The following DCC variants were observed in gnomAD, a reference collection of about 807,000 sequenced individuals.
DCC encodes the protein DCC netrin 1 receptor, also known as netrin receptor DCC.
A neutral mutation model predicts 172.5 loss-of-function variants in DCC; 58 were observed. The observed-to-expected ratio is 0.34, with a 90% CI of 0.27 to 0.42. The LOEUF (loss-of-function observed/expected upper bound fraction) is 0.42. DCC is among the 10% of genes least tolerant of loss of function. The pLI is 1.00. For synonymous variants in DCC, 709 were observed against 644.5 expected (o/e 1.10, Z -1.52); for missense variants, 1,740 against 1,791.0 (o/e 0.97, Z 0.51).
At chr18:53,455,538 A>C (rs980708456) in intron 23 of DCC, among the ~76,000 whole-genome samples, 4 of 152,242 alleles carry the variant, frequency 2.6e-5, no homozygotes, top group Non-Finnish European at 5.9e-5. Context: ...ACCAGAGAAG[A>C]AGCTTTCAGA....
intron 2 of DCC, among the ~76,000 whole-genome samples, chr18:52,768,216 A>C (rs1448952549): frequency 6.6e-6 from 1 of 152,144 alleles, no homozygotes; most frequent in Non-Finnish European, 1.5e-5. Context: ...CTCTGGCTTG[A>C]CATTTAGAGT....
intron 11 of DCC, among the ~76,000 whole-genome samples, chr18:53,215,295 G>A (rs769163678): frequency 6.6e-5 from 10 of 151,880 alleles, no homozygotes; most frequent in South Asian, 2.1e-4. Context: ...CACTGCCCGC[G>A]TTCTCTTGCG....
At chr18:53,443,787 A>G (rs1362304003) in intron 22 of DCC, among the ~76,000 whole-genome samples, 1 of 152,270 alleles carries the variant, frequency 6.6e-6, no homozygotes, top group East Asian at 1.9e-4. Context: ...AGATTCCAAT[A>G]AGGAGTAGAT....
At chr18:53,229,983 G>A (rs998397903) in intron 12 of DCC, among the ~76,000 whole-genome samples, 2 of 151,990 alleles carry the variant, frequency 1.3e-5, no homozygotes, top group Non-Finnish European at 2.9e-5. Context: ...ATTCTACCTG[G>A]CTATCTTGTT....
At chr18:53,195,291 G>C (rs1474634393) in intron 9 of DCC, among the ~76,000 whole-genome samples, 1 of 152,156 alleles carries the variant, frequency 6.6e-6, no homozygotes, top group African/African-American at 2.4e-5. Context: ...TTGAAAATTA[G>C]AGTTCTGTGA....
At chr18:52,826,112 A>C in intron 2 of DCC, among the ~76,000 whole-genome samples, 1 of 152,242 alleles carries the variant, frequency 6.6e-6, no homozygotes, top group East Asian at 1.9e-4. Flanking sequence ...ACATTTACTG[A>C]AGATGCTATT....
At chr18:52,993,805 G>T (rs2041433865) in intron 5 of DCC, among the ~76,000 whole-genome samples, 1 of 147,644 alleles carries the variant, frequency 6.8e-6, no homozygotes, top group African/African-American at 2.6e-5. Flanking sequence ...TAAGTTCTGA[G>T]AATTTTCTAT....
intron 10 of DCC, among the ~76,000 whole-genome samples, chr18:53,207,055 A>G (rs1247385777): frequency 2.6e-5 from 4 of 151,908 alleles, no homozygotes; most frequent in Admixed American, 2.0e-4. Flanking sequence ...CTTTCTATAT[A>G]TTTTAGCTCT....
chr18:52,437,779 A>G (rs1987843765), intron 1 of DCC, among the ~76,000 whole-genome samples: 1 of 152,218 alleles, frequency 6.6e-6, no homozygotes, highest in Admixed American at 6.5e-5. Flanking sequence ...TCTTGGCTAT[A>G]TGGAACAGGA....
intron 22 of DCC, among the ~76,000 whole-genome samples, chr18:53,448,768 G>A (rs755600172): frequency 6.6e-6 from 1 of 152,062 alleles, no homozygotes; most frequent in Admixed American, 6.6e-5. Context: ...CAAGAGAATC[G>A]CTTGAACCCA....
chr18:53,037,281 C>T (rs777743342), intron 5 of DCC, among the ~76,000 whole-genome samples: 4 of 151,988 alleles, frequency 2.6e-5, no homozygotes, highest in Non-Finnish European at 4.4e-5. Context: ...GATAAATGAA[C>T]TGGCAATGTG....
chr18:53,202,866 A>G (rs1336906486), intron 9 of DCC, among the ~76,000 whole-genome samples: 1 of 152,182 alleles, frequency 6.6e-6, no homozygotes, highest in Non-Finnish European at 1.5e-5. Context: ...TTTTATTTAT[A>G]AAAAGGGGCT....
At chr18:53,042,489 G>C (rs2042182317) in intron 5 of DCC, among the ~76,000 whole-genome samples, 1 of 151,878 alleles carries the variant, frequency 6.6e-6, no homozygotes, top group African/African-American at 2.4e-5. Context: ...ATCTCTGCCA[G>C]GTTTTGGTAT....
chr18:52,788,545 T>G (rs1301569456), intron 2 of DCC, among the ~76,000 whole-genome samples: 1 of 152,238 alleles, frequency 6.6e-6, no homozygotes, highest in Non-Finnish European at 1.5e-5. Context: ...AAGGCTATTT[T>G]TATTTCTTAA....
intron 1 of DCC, among the ~76,000 whole-genome samples, chr18:52,497,316 CA>C (rs2030825858): frequency 1.3e-4 from 4 of 30,564 alleles, no homozygotes; most frequent in Admixed American, 4.4e-4. Flanking sequence ...TATATATATA[CA>C]CACACACATA....
intron 12 of DCC, among the ~76,000 whole-genome samples, chr18:53,242,828 C>T (rs2056316789): frequency 6.6e-6 from 1 of 151,794 alleles, no homozygotes; most frequent in African/African-American, 2.4e-5. Flanking sequence ...GTATCCTTAT[C>T]CTCCCTAGGG....
chr18:52,393,112 T>C (rs1459005131), intron 1 of DCC, among the ~76,000 whole-genome samples: 1 of 152,132 alleles, frequency 6.6e-6, no homozygotes, highest in Non-Finnish European at 1.5e-5. Flanking sequence ...TGAGATATGT[T>C]GCAGGCACTG....
chr18:53,067,371 A>G (rs77366078), intron 7 of DCC, among the ~76,000 whole-genome samples: 1 of 151,928 alleles, frequency 6.6e-6, no homozygotes, highest in Admixed American at 6.6e-5. Context: ...AAATAAAAAA[A>G]ATATATATTT....
chr18:52,502,561 A>G (rs970915146), intron 1 of DCC, among the ~76,000 whole-genome samples: 2 of 152,332 alleles, frequency 1.3e-5, no homozygotes, highest in Non-Finnish European at 1.5e-5. Context: ...TGGGCCACTG[A>G]ACATCTAGAA....
Sources: allele counts gnomAD v4.1 joint callset (sites outside exome capture counted in the v4.1 genomes callset), GRCh38; gene constraint gnomAD v4.1.1; transcripts MANE v1.5; gene names NCBI Gene and HGNC (gene_info 2026-07-23, HGNC 2026-07-21).